Variants in COL21A1 observed in about 807,000 individuals in gnomAD.
COL21A1 encodes the protein collagen type XXI alpha 1 chain.
Under a neutral mutation model 137.9 loss-of-function variants are expected in COL21A1, and 149 were observed. The ratio of observed to expected loss-of-function variants is 1.08; its 90% CI spans 0.95 to 1.24. COL21A1 has a LOEUF of 1.24. Among genes scored for constraint, COL21A1 ranks in the 50% most tolerant of loss-of-function variants. The pLI is 0.00. For missense variants in COL21A1, 1,167 were observed against 1,158.4 expected, an observed-to-expected ratio of 1.01 and a Z score of -0.11; for synonymous variants, 456 against 391.5, an observed-to-expected ratio of 1.16 and a Z score of -1.95.
intron 1 of COL21A1, among the ~76,000 whole-genome samples, chr6:56,211,998 G>A (rs2152306746): frequency 6.6e-6 from 1 of 152,202 alleles, no homozygotes; most frequent in South Asian, 2.1e-4. Flanking sequence ...GGAGAAAAAG[G>A]TGGTATCAAC....
rs1489588479 is a variant in COL21A1, at chr6:56,057,759, A to G, written c.2772T>C (p.Pro924=). Reference sequence around the variant, plus strand: ...GGGGGCCTGGTTGCCCTTGGATTCCAGGTTTTCCATGGTCTCCATCTTTGC... The same window carrying G: ...GGGGGCCTGGTTGCCCTTGGATTCCGGGTTTTCCATGGTCTCCATCTTTGC... ...LPGKDGDHGK[P]GIQGQPGPPG... The change falls in exon 30 of 30, where the codon CCT becomes CCC. Residue 924 remains proline, a synonymous_variant. Transcript: ENST00000244728. 6.2e-7 allele frequency: 1 copy of G among 1,611,490 alleles called. No individual in the cohort carries two copies. Among genetic ancestry groups the G allele is most frequent in the Admixed American group, 1.7e-5 (1 of 59,694 alleles).
chr6:56,271,026 G>A lies in COL21A1; in HGVS notation c.-38-88370C>T, dbSNP rs569285411. Among the ~76,000 whole-genome samples, 13 of 152,284 alleles carry A rather than the reference G, an allele frequency of 8.5e-5. No homozygotes were observed. In the East Asian group the frequency reaches 2.5e-3, roughly 29 times the overall value. On this transcript the variant is annotated intron_variant, in intron 1 of 28. Transcript: ENST00000370819. The stretch of plus-strand genomic sequence containing the variant: ...TGGGGCACTGCTATAAAGATAACCT[G>A]AAAATGTGGGAGCAACTTTAGAACT...
chr6:56,183,816 C>T (rs753695296), intron 1 of COL21A1, among the ~76,000 whole-genome samples: 11 of 151,858 alleles, frequency 7.2e-5, no homozygotes, highest in Non-Finnish European at 1.5e-4. Context: ...ATGGAAAACA[C>T]GTACAAAGAT....
chr6:56,378,751 G>A (rs927163694), intron 1 of COL21A1, among the ~76,000 whole-genome samples: 11 of 152,192 alleles, frequency 7.2e-5, no homozygotes, highest in African/African-American at 2.7e-4. Context: ...GCCAGAGAGT[G>A]GTTACAGGGG....
intron 1 of COL21A1, among the ~76,000 whole-genome samples, chr6:56,183,508 T>C (rs933785363): frequency 7.9e-5 from 12 of 152,192 alleles, no homozygotes; most frequent in Admixed American, 7.9e-4. Flanking sequence ...CATTCCTTCA[T>C]TCAGCAGTTC....
At chr6:56,282,180 T>C (rs1763801319) in intron 1 of COL21A1, among the ~76,000 whole-genome samples, 1 of 152,158 alleles carries the variant, frequency 6.6e-6, no homozygotes, top group Non-Finnish European at 1.5e-5. Context: ...TTAGGAAGCC[T>C]TTCTATTAAT....
chr6:56,147,328 G>A (rs935145336), intron 10 of COL21A1, among the ~76,000 whole-genome samples: 5 of 150,942 alleles, frequency 3.3e-5, no homozygotes, highest in Admixed American at 6.6e-5. Context: ...AGTAGAATGT[G>A]AGCTTCAAAA....
At chr6:56,272,182 G>A (rs112690678) in intron 1 of COL21A1, among the ~76,000 whole-genome samples, 2,385 of 152,308 alleles carry the variant, frequency 0.016, 57 homozygotes, top group African/African-American at 0.054. Flanking sequence ...CTCAACACCA[G>A]CCCAAGAAAG....
At chr6:56,175,766 A>G (rs1193128565) in intron 3 of COL21A1, among the ~76,000 whole-genome samples, 1 of 152,184 alleles carries the variant, frequency 6.6e-6, no homozygotes, top group Non-Finnish European at 1.5e-5. Flanking sequence ...TTTTTATAGA[A>G]GTAGAAAAAG....
At chr6:56,060,836 A>G (rs1449377688) in intron 26 of COL21A1, 41 bp from the exon 27 acceptor site, 1 of 1,586,106 alleles carries the variant, frequency 6.3e-7, no homozygotes, top group Non-Finnish European at 8.5e-7. Flanking sequence ...CACATAAAGA[A>G]CATGAGCAAA....
intron 7 of COL21A1, among the ~76,000 whole-genome samples, chr6:56,166,357 G>A (rs1776579419): frequency 6.6e-6 from 1 of 152,010 alleles, no homozygotes; most frequent in East Asian, 1.9e-4. Flanking sequence ...AGACGACGGG[G>A]AAAAACATTA....
chr6:56,316,885 G>T (rs1764752134), intron 1 of COL21A1, among the ~76,000 whole-genome samples: 1 of 152,096 alleles, frequency 6.6e-6, no homozygotes, highest in Non-Finnish European at 1.5e-5. Flanking sequence ...GGCTGGGTTA[G>T]GGTGTACAAA....
intron 1 of COL21A1, among the ~76,000 whole-genome samples, chr6:56,321,008 A>T (rs952301416): frequency 5.3e-5 from 8 of 152,160 alleles, no homozygotes; most frequent in Non-Finnish European, 1.0e-4. Context: ...AATTGAAAAA[A>T]TACTAACTTT....
chr6:56,267,733 G>T (rs1190894700), intron 1 of COL21A1, among the ~76,000 whole-genome samples: 3 of 143,310 alleles, frequency 2.1e-5, no homozygotes, highest in Admixed American at 1.4e-4. Flanking sequence ...CTCCAGCCTG[G>T]GCAACAGAGC....
chr6:56,060,189 TTCCAC>T lies in COL21A1; in HGVS notation c.2432_2436del (p.Ser811LysfsTer3). On this transcript the variant is annotated frameshift_variant, in exon 28 of 30. Coordinates refer to ENST00000244728, the MANE Select transcript of COL21A1 (RefSeq NM_030820.4). LOFTEE classifies it high-confidence loss of function. ...AGGCAATGATCACAATTTCTAATTC[TTCCAC>T]TCTGAAGTAAGACTGGTAGCTGGGC... 1 of 1,607,526 alleles carries T rather than the reference TTCCAC, an allele frequency of 6.2e-7. No individual in the cohort carries two copies. The highest frequency in any genetic ancestry group is 1.1e-5 in the South Asian group (1 of 89,906).
intron 20 of COL21A1, among the ~76,000 whole-genome samples, chr6:56,072,373 T>A (rs1281007080): frequency 6.6e-6 from 1 of 151,522 alleles, no homozygotes; most frequent in Non-Finnish European, 1.5e-5. Flanking sequence ...TAAATAGGCT[T>A]ATAAATGTTT....
At chr6:56,092,378 ATTGT>A (rs1415673392) in intron 17 of COL21A1, among the ~76,000 whole-genome samples, 1 of 152,178 alleles carries the variant, frequency 6.6e-6, no homozygotes, top group Admixed American at 6.6e-5. Flanking sequence ...ATATTTATAT[ATTGT>A]TTAACTATTA....
chr6:56,315,365 C>T (rs1171990768), intron 1 of COL21A1, among the ~76,000 whole-genome samples: 1 of 152,088 alleles, frequency 6.6e-6, no homozygotes, highest in Non-Finnish European at 1.5e-5. Flanking sequence ...CAAACACGGC[C>T]AAGGATGACA....
chr6:56,318,038 A>G (rs1356409141), intron 1 of COL21A1, among the ~76,000 whole-genome samples: 1 of 152,208 alleles, frequency 6.6e-6, no homozygotes, highest in African/African-American at 2.4e-5. Context: ...GTGCAAAAAG[A>G]AAATCGGTTA....
Sources: allele counts gnomAD v4.1 joint callset (sites outside exome capture counted in the v4.1 genomes callset), GRCh38; gene constraint gnomAD v4.1.1; transcripts MANE v1.5; gene names NCBI Gene and HGNC (gene_info 2026-07-23, HGNC 2026-07-21).